GJB7: variants seen among roughly 807,000 people sequenced by gnomAD.
The protein encoded by GJB7 is gap junction beta-7 protein.
For synonymous variants in GJB7, 87 were observed against 95.2 expected, an observed-to-expected ratio of 0.91 and a Z score of 0.50; for missense variants, 253 against 256.8, an observed-to-expected ratio of 0.99 and a Z score of 0.10.
intron 2 of GJB7, chr6:87,299,669 A>C (rs1582558872): frequency 5.6e-6 from 1 of 177,750 alleles, no homozygotes; most frequent in South Asian, 1.4e-4. Context: ...GATTTTGGTG[A>C]CAACAGAAAG....
At chr6:87,287,755 C>T (rs1776086980) in intron 2 of GJB7, among the ~76,000 whole-genome samples, 1 of 151,788 alleles carries the variant, frequency 6.6e-6, no homozygotes, top group African/African-American at 2.4e-5. Flanking sequence ...CCTTGTTGGG[C>T]ATTTTAGAGG....
intron 2 of GJB7, among the ~76,000 whole-genome samples, chr6:87,288,963 T>G (rs1441403572): frequency 6.6e-6 from 1 of 152,160 alleles, no homozygotes; most frequent in African/African-American, 2.4e-5. Flanking sequence ...AGACTGTATA[T>G]TCTCATTTCT....
At chr6:87,285,932 T>C (rs962269179) in intron 2 of GJB7, among the ~76,000 whole-genome samples, 3 of 152,244 alleles carry the variant, frequency 2.0e-5, no homozygotes, top group African/African-American at 7.2e-5. Context: ...TTGGATTTTA[T>C]GTAATTTTCC....
chr6:87,299,181 G>C (rs768162621), intron 2 of GJB7: 1 of 451,708 alleles, frequency 2.2e-6, no homozygotes, highest in Non-Finnish European at 4.5e-6. Flanking sequence ...GAAATCAGAA[G>C]TGTGATGTTA....
intron 2 of GJB7, among the ~76,000 whole-genome samples, chr6:87,301,050 G>A (rs570692551): frequency 3.9e-5 from 6 of 152,160 alleles, no homozygotes; most frequent in South Asian, 2.1e-4. Flanking sequence ...TTAGAGGGGC[G>A]GTTCCAATAT....
rs557643246 is a variant in GJB7, at chr6:87,321,614, T to C, written c.-28+1252A>G. 2.6e-5 allele frequency among the ~76,000 whole-genome samples: 4 copies of C among 152,302 alleles called. No individual in the cohort carries two copies. In the East Asian group the frequency reaches 7.7e-4, roughly 29 times the overall value. ...TGGCCAAGACAGAGGTCCATTCCTT[T>C]CAGGGGTGGGTTGGTGATGGTGGTG... On this transcript the variant is annotated intron_variant, in intron 2 of 2. Coordinates refer to ENST00000525899, the MANE Select transcript of GJB7 (RefSeq NM_198568.3).
At chr6:87,326,815 G>T (rs374852439) in intron 1 of GJB7, among the ~76,000 whole-genome samples, 13 of 118,956 alleles carry the variant, frequency 1.1e-4, no homozygotes, top group Admixed American at 8.0e-5. Context: ...CAATTCCTGG[G>T]TATCCTTGTT....
chr6:87,291,659 C>A (rs1356481954), intron 2 of GJB7, among the ~76,000 whole-genome samples: 2 of 152,200 alleles, frequency 1.3e-5, no homozygotes, highest in Non-Finnish European at 2.9e-5. Context: ...ACATAGGCAA[C>A]CTTACTTCGT....
At chr6:87,324,660 T>G (rs12523776) in intron 1 of GJB7, among the ~76,000 whole-genome samples, 59,222 of 150,410 alleles carry the variant, frequency 0.39, 12,596 homozygotes, top group Non-Finnish European at 0.48. Flanking sequence ...CCATGCTGTT[T>G]TGGTTACTGT....
At chr6:87,292,501 G>C (rs1223650417) in intron 2 of GJB7, among the ~76,000 whole-genome samples, 3 of 152,110 alleles carry the variant, frequency 2.0e-5, no homozygotes, top group African/African-American at 4.8e-5. Flanking sequence ...CAGCAGTAGA[G>C]AGAAGTAAAA....
chr6:87,322,524 G>A (rs958429182), intron 2 of GJB7: 3 of 152,362 alleles, frequency 2.0e-5, no homozygotes, highest in African/African-American at 7.2e-5. Flanking sequence ...CGGAAGACAG[G>A]GGACGCTGTG....
At chr6:87,325,001 G>T (rs1776781454) in intron 1 of GJB7, among the ~76,000 whole-genome samples, 1 of 151,906 alleles carries the variant, frequency 6.6e-6, no homozygotes, top group Non-Finnish European at 1.5e-5. Context: ...TTGTAAGTTG[G>T]ATTCCTAGGT....
chr6:87,324,700 G>A (rs1459010335), intron 1 of GJB7, among the ~76,000 whole-genome samples: 1 of 151,714 alleles, frequency 6.6e-6, no homozygotes, highest in African/African-American at 2.4e-5. Flanking sequence ...AAGTCAGGTA[G>A]TGTGATACCT....
chr6:87,296,389 A>G (rs1030744363), intron 2 of GJB7, among the ~76,000 whole-genome samples: 1 of 152,248 alleles, frequency 6.6e-6, no homozygotes, highest in Admixed American at 6.5e-5. Context: ...CCTATTCTAG[A>G]AAATTTATAT....
intron 1 of GJB7, among the ~76,000 whole-genome samples, chr6:87,324,650 C>T (rs182069688): frequency 0.39 from 59,143 of 150,166 alleles, 12,556 homozygotes; most frequent in Non-Finnish European, 0.48. Flanking sequence ...GGTACCAGTA[C>T]CATGCTGTTT....
At chr6:87,296,577 G>A (rs184963140) in intron 2 of GJB7, among the ~76,000 whole-genome samples, 29 of 152,278 alleles carry the variant, frequency 1.9e-4, no homozygotes, top group African/African-American at 7.0e-4. Flanking sequence ...TTGGGTAACA[G>A]CGTCTGACAG....
intron 1 of GJB7, among the ~76,000 whole-genome samples, chr6:87,328,120 A>G (rs1776880440): frequency 6.6e-6 from 1 of 152,126 alleles, no homozygotes; most frequent in Non-Finnish European, 1.5e-5. Context: ...TCCTTTAAGC[A>G]CTTCTCAGTA....
chr6:87,287,819 G>A (rs972954237), intron 2 of GJB7, among the ~76,000 whole-genome samples: 9 of 152,256 alleles, frequency 5.9e-5, no homozygotes, highest in African/African-American at 7.2e-5. Context: ...AAAAAAAAGT[G>A]ACTGATCTTT....
At chr6:87,300,262 G>T in intron 2 of GJB7, 1 of 188,622 alleles carries the variant, frequency 5.3e-6, no homozygotes, top group South Asian at 1.6e-4. Flanking sequence ...AGAAGTTGGT[G>T]ATGATGCTAT....
Sources: allele counts gnomAD v4.1 joint callset (sites outside exome capture counted in the v4.1 genomes callset), GRCh38; gene constraint gnomAD v4.1.1; transcripts MANE v1.5; gene names NCBI Gene and HGNC (gene_info 2026-07-23, HGNC 2026-07-21).